The following SPG11 variants were observed in gnomAD, a reference collection of about 807,000 sequenced individuals.
The protein encoded by SPG11 is SPG11 vesicle trafficking associated, spatacsin.
In SPG11, 222 loss-of-function variants were observed where a neutral mutation model predicts 274.0. The ratio of observed to expected loss-of-function variants is 0.81; its 90% CI spans 0.73 to 0.91. The LOEUF (loss-of-function observed/expected upper bound fraction) is 0.91. Among genes scored for constraint, SPG11 ranks in the 40% least tolerant of loss-of-function variants. The pLI is 0.00. For missense variants in SPG11, 3,114 were observed against 2,872.7 expected, an observed-to-expected ratio of 1.08 and a Z score of -1.92; for synonymous variants, 1,144 against 1,039.7, an observed-to-expected ratio of 1.10 and a Z score of -1.93.
intron 7 of SPG11, among the ~76,000 whole-genome samples, chr15:44,636,590 C>T (rs1002863667): frequency 2.6e-5 from 4 of 151,106 alleles, no homozygotes; most frequent in African/African-American, 4.9e-5. Context: ...TGAACCTGGG[C>T]GGCGGAGCTT....
intron 7 of SPG11, among the ~76,000 whole-genome samples, chr15:44,644,122 G>A (rs1391122559): frequency 4.0e-5 from 6 of 150,288 alleles, no homozygotes; most frequent in South Asian, 2.1e-4. Context: ...AGCCGAGATC[G>A]CGCCACTGCA....
chr15:44,564,979 C>T (rs1384566516), intron 38 of SPG11, among the ~76,000 whole-genome samples: 2 of 152,188 alleles, frequency 1.3e-5, no homozygotes, highest in Non-Finnish European at 2.9e-5. Flanking sequence ...GCTCAAGATC[C>T]TCCCGCCTCA....
intron 39 of SPG11, among the ~76,000 whole-genome samples, chr15:44,563,828 G>A (rs2082250376): frequency 6.6e-6 from 1 of 152,144 alleles, no homozygotes; most frequent in Non-Finnish European, 1.5e-5. Flanking sequence ...TGTCAGCTCT[G>A]AAGTACCACT....
chr15:44,633,533 ATCAAAC>A lies in SPG11; in HGVS notation c.1701_1706del (p.Gln567_Asp569delinsHis), dbSNP rs1301583424. 1 of 1,606,948 alleles carries A rather than the reference ATCAAAC, an allele frequency of 6.2e-7. No individual in the cohort carries two copies. Among genetic ancestry groups the A allele is most frequent in the Non-Finnish European group, 8.5e-7 (1 of 1,174,580 alleles). ...TTAAATATAAATGGGATGACAAGTG[ATCAAAC>A]TGATCAGATACAGAAGATTTTGAGG... On this transcript the variant is annotated inframe_deletion, in exon 8 of 40. Transcript: ENST00000261866.
chr15:44,641,922 GAAA>G (rs71111874), intron 7 of SPG11, among the ~76,000 whole-genome samples: 8 of 55,914 alleles, frequency 1.4e-4, no homozygotes, highest in African/African-American at 4.8e-4. Context: ...CTGCTTAACA[GAAA>G]AAAAAAAAAA....
chr15:44,585,109 A>G (rs1186698345), intron 29 of SPG11, among the ~76,000 whole-genome samples: 1 of 152,174 alleles, frequency 6.6e-6, no homozygotes, highest in African/African-American at 2.4e-5. Flanking sequence ...GTTGTAGCAT[A>G]TCCTACAAAC....
At chr15:44,663,259 T>C (rs1595944447) in intron 1 of SPG11, 132 bp downstream of exon 1, 1 of 1,274,224 alleles carries the variant, frequency 7.8e-7, no homozygotes, top group Non-Finnish European at 1.1e-6. Flanking sequence ...TCTGGGGCGT[T>C]TCCTGCAGCT....
intron 7 of SPG11, among the ~76,000 whole-genome samples, chr15:44,648,077 T>C (rs1750649581): frequency 6.6e-6 from 1 of 152,166 alleles, no homozygotes; most frequent in Non-Finnish European, 1.5e-5. Flanking sequence ...TCTTCATCTG[T>C]AAAATAAAAA....
At chr15:44,570,334 A>T (rs538307014) in intron 34 of SPG11, among the ~76,000 whole-genome samples, 191 bp downstream of exon 34, 4 of 152,314 alleles carry the variant, frequency 2.6e-5, no homozygotes, top group Admixed American at 2.6e-4. Flanking sequence ...CCTTTGGAGC[A>T]ACCTCTGATT....
rs1230112715 is a variant in SPG11, at chr15:44,585,846, T to C, written c.4911A>G (p.Pro1637=). The stretch of plus-strand genomic sequence containing the variant: ...AAAGGATGCAAAGCTTTTTCACATC[T>C]GGACCTGTGCCAAAGAGAAAAGGAT... The part of the protein sequence containing the change: ...VEREHLFSDG[P]DVKKLCILCQ... The change falls in exon 29 of 40, where the codon CCA becomes CCG. Residue 1637 remains proline (P), a synonymous_variant. Transcript: ENST00000261866. The C allele has an allele frequency of 1.9e-6, 3 of 1,613,902 alleles. No individual in the cohort carries two copies. Among genetic ancestry groups the C allele is most frequent in the Non-Finnish European group, 2.5e-6 (3 of 1,179,846 alleles).
At chr15:44,566,345 C>A in intron 36 of SPG11, 40 bp from the exon 37 acceptor site, 1 of 1,580,506 alleles carries the variant, frequency 6.3e-7, no homozygotes, top group South Asian at 1.1e-5. Context: ...GTCTGACTCC[C>A]AAAGCTCACT....
chr15:44,649,086 A>G lies in SPG11; in HGVS notation c.1457-75T>C, dbSNP rs185233876. On this transcript the variant is annotated intron_variant, in intron 6 of 39. Transcript: ENST00000261866. ...ATTATGATTTAGGAATTGATTTTTA[A>G]TTACTCAATACTTCAGTACTATAAT... 993 of 1,129,564 alleles carry G rather than the reference A, an allele frequency of 8.8e-4. 3 individuals carry two copies. The African/African-American group carries it at 0.014, about 15-fold the overall frequency. The allele number at this position is 1,129,564 out of a possible 1,614,324, so 70.0% of individuals were successfully genotyped here.
At chr15:44,633,839 CCTTT>C (rs922075783) in intron 7 of SPG11, among the ~76,000 whole-genome samples, 1 of 151,888 alleles carries the variant, frequency 6.6e-6, no homozygotes, top group Non-Finnish European at 1.5e-5. Flanking sequence ...CCTTTCTTTT[CCTTT>C]CTTTTTTTTT....
rs148175530 is a variant in SPG11 at position 44,659,255 on chromosome 15, G to A, written c.491C>T (p.Ser164Leu). ...GACACATTTGTTGATGAACAGTAAT[G>A]ATGTGTTATTGTGAAATGACAGGAT... ...LRILSFHNNT[S>L]LLFINKCVIL... The change falls in exon 3 of 40, where the codon TCA becomes TTA. Residue 164 changes from serine to leucine, a missense_variant. Coordinates refer to ENST00000261866, the MANE Select transcript of SPG11 (RefSeq NM_025137.4). The A allele has an allele frequency of 2.3e-4, 370 of 1,614,072 alleles. No individual in the cohort carries two copies. Among genetic ancestry groups the A allele is most frequent in the East Asian group, 4.2e-4 (19 of 44,882 alleles).
At chr15:44,636,956 A>AC (rs2054813701) in intron 7 of SPG11, among the ~76,000 whole-genome samples, 1 of 125,002 alleles carries the variant, frequency 8.0e-6, no homozygotes. Flanking sequence ...AAAAAAAAAA[A>AC]ACAAAAAAAA....
intron 35 of SPG11, 140 bp downstream of exon 35, chr15:44,569,258 G>A: frequency 1.4e-6 from 1 of 704,018 alleles, no homozygotes; most frequent in South Asian, 1.5e-5. Context: ...TGGTGACAGT[G>A]TATGTCTTGG....
intron 7 of SPG11, among the ~76,000 whole-genome samples, chr15:44,646,522 C>A (rs1224709231): frequency 6.6e-6 from 1 of 152,164 alleles, no homozygotes; most frequent in African/African-American, 2.4e-5. Context: ...GATGCAATCA[C>A]CTCCCTCCCT....
chr15:44,564,802 A>C, intron 38 of SPG11, 104 bp from the exon 39 acceptor site: 1 of 1,218,866 alleles, frequency 8.2e-7, no homozygotes, highest in Non-Finnish European at 1.2e-6. Context: ...CATGTAGTGA[A>C]TATGATCATT....
chr15:44,573,702 T>C lies in SPG11; in HGVS notation c.6050A>G (p.Glu2017Gly). The change falls in exon 32 of 40, where the codon GAA (glutamate) becomes GGA (glycine). Residue 2017 changes from glutamate (E) to glycine (G), a missense_variant. By Grantham distance (98) the Glu-to-Gly change is moderately conservative (BLOSUM62 -2). Transcript: ENST00000261866. The stretch of plus-strand genomic sequence containing the variant: ...GGCCAAGATTTTCCGGAGCATGGCT[T>C]CACCATCCTGAGCAGCAACATCTGT... ...SYTDVAAQDG[E>G]AMLRKILASQ... The C allele has an allele frequency of 6.2e-7, 1 of 1,614,164 alleles. No individual in the cohort carries two copies. Among genetic ancestry groups the C allele is most frequent in the Non-Finnish European group, 8.5e-7 (1 of 1,180,030 alleles).
Sources: allele counts gnomAD v4.1 joint callset (sites outside exome capture counted in the v4.1 genomes callset), GRCh38; gene constraint gnomAD v4.1.1; transcripts MANE v1.5; gene names NCBI Gene and HGNC (gene_info 2026-07-23, HGNC 2026-07-21).